The following CDH8 variants were observed in gnomAD, a reference collection of about 807,000 sequenced individuals.
CDH8 encodes cadherin-8.
Under a neutral mutation model 68.1 loss-of-function variants are expected in CDH8, and 17 were observed. The ratio of observed to expected loss-of-function variants is 0.25; its 90% confidence interval spans 0.17 to 0.37. The LOEUF (loss-of-function observed/expected upper bound fraction) is 0.37. CDH8 is among the 10% of genes least tolerant of loss of function. The pLI is 1.00. For synonymous variants in CDH8, 372 were observed against 365.1 expected, an observed-to-expected ratio of 1.02 and a Z score of -0.21; for missense variants, 763 against 999.3, an observed-to-expected ratio of 0.76 and a Z score of 3.19.
chr16:61,974,303 A>T (rs925770950), intron 2 of CDH8, among the ~76,000 whole-genome samples: 1 of 152,198 alleles, frequency 6.6e-6, no homozygotes, highest in African/African-American at 2.4e-5. Context: ...AGGCATCCTG[A>T]ACTATGCTGG....
chr16:61,668,172 G>A (rs1407582346), intron 10 of CDH8, among the ~76,000 whole-genome samples: 1 of 151,796 alleles, frequency 6.6e-6, no homozygotes, highest in Non-Finnish European at 1.5e-5. Context: ...TCAACGTAAC[G>A]GAGCATAGCA....
At chr16:61,894,748 C>T (rs1963840813) in intron 3 of CDH8, among the ~76,000 whole-genome samples, 1 of 152,088 alleles carries the variant, frequency 6.6e-6, no homozygotes, top group African/African-American at 2.4e-5. Context: ...ATAATTTTCA[C>T]ATTAAATTAA....
intron 8 of CDH8, among the ~76,000 whole-genome samples, chr16:61,783,481 G>A (rs1300484916): frequency 5.3e-5 from 8 of 151,892 alleles, no homozygotes; most frequent in Non-Finnish European, 8.8e-5. Context: ...TGAAAGTGAT[G>A]GGGAGAATGG....
intron 9 of CDH8, among the ~76,000 whole-genome samples, chr16:61,715,110 CT>C (rs1329665053): frequency 1.3e-5 from 2 of 151,372 alleles, no homozygotes; most frequent in South Asian, 2.1e-4. Context: ...AAATAAAATA[CT>C]TTTTTTTAAT....
intron 8 of CDH8, among the ~76,000 whole-genome samples, chr16:61,780,733 AAAT>A (rs1961028616): frequency 6.6e-6 from 1 of 152,186 alleles, no homozygotes; most frequent in Non-Finnish European, 1.5e-5. Flanking sequence ...GTGATGGGCT[AAAT>A]AATCAAATCA....
chr16:61,891,682 T>C (rs1394852349), intron 3 of CDH8, among the ~76,000 whole-genome samples: 1 of 152,184 alleles, frequency 6.6e-6, no homozygotes, highest in Non-Finnish European at 1.5e-5. Context: ...TGTAGAGTTT[T>C]GGAACCACAG....
intron 4 of CDH8, among the ~76,000 whole-genome samples, chr16:61,829,408 A>G (rs1328518404): frequency 6.6e-6 from 1 of 151,736 alleles, no homozygotes; most frequent in Admixed American, 6.6e-5. Flanking sequence ...TCCTGACAAG[A>G]TCCCAAAATA....
chr16:61,924,903 T>A (rs1964433146), intron 2 of CDH8, among the ~76,000 whole-genome samples: 1 of 152,176 alleles, frequency 6.6e-6, no homozygotes, highest in Non-Finnish European at 1.5e-5. Flanking sequence ...AGTTGCTAAT[T>A]GTTCCGTACT....
At chr16:61,751,558 T>C (rs1366982082) in intron 8 of CDH8, among the ~76,000 whole-genome samples, 1 of 152,066 alleles carries the variant, frequency 6.6e-6, no homozygotes, top group African/African-American at 2.4e-5. Flanking sequence ...GTCTCAAATG[T>C]GCAGAATGCA....
intron 7 of CDH8, among the ~76,000 whole-genome samples, chr16:61,794,145 A>T (rs111405971): frequency 6.6e-6 from 1 of 152,042 alleles, no homozygotes; most frequent in Admixed American, 6.6e-5. Context: ...TTACAGGCCT[A>T]TGAATAAACT....
chr16:61,860,576 C>T (rs774197759), intron 3 of CDH8, among the ~76,000 whole-genome samples: 2 of 151,896 alleles, frequency 1.3e-5, no homozygotes, highest in Non-Finnish European at 1.5e-5. Context: ...CTAGTGTATT[C>T]ACTTTCATTT....
intron 2 of CDH8, among the ~76,000 whole-genome samples, chr16:61,910,706 G>A (rs1485109038): frequency 6.6e-6 from 1 of 152,026 alleles, no homozygotes; most frequent in Non-Finnish European, 1.5e-5. Flanking sequence ...CAAATAAAAA[G>A]GCATATAGGG....
chr16:61,763,450 TC>T (rs1960515562), intron 8 of CDH8, among the ~76,000 whole-genome samples: 1 of 152,150 alleles, frequency 6.6e-6, no homozygotes, highest in Non-Finnish European at 1.5e-5. Flanking sequence ...ATCCCATTGA[TC>T]CTCTCATGTA....
At position 62,030,768 on chromosome 16, in the gene CDH8, A is replaced by T. The variant is rs546481342; in HGVS notation, c.-200+5312T>A. 2.6e-5 allele frequency among the ~76,000 whole-genome samples: 4 copies of T among 152,258 alleles called. No individual in the cohort carries two copies. In the South Asian group the frequency reaches 6.2e-4, roughly 24 times the overall value. On this transcript the variant is annotated intron_variant, in intron 1 of 11. Coordinates refer to ENST00000577390, the MANE Select transcript of CDH8 (RefSeq NM_001796.5). ...GGATTCCATTTAATATTCCTTTGTA[A>T]TATCTTCAACATGCCTAAAATATCA...
intron 2 of CDH8, among the ~76,000 whole-genome samples, chr16:61,956,356 CCTTAT>C (rs1964990035): frequency 6.6e-6 from 1 of 152,124 alleles, no homozygotes; most frequent in African/African-American, 2.4e-5. Flanking sequence ...ACAAGCCTTA[CCTTAT>C]CTTAAGGTAA....
chr16:61,660,656 G>A (rs933239044), intron 10 of CDH8, among the ~76,000 whole-genome samples: 1 of 151,850 alleles, frequency 6.6e-6, no homozygotes. Context: ...GTGAAAACAC[G>A]GAAAGCCAAA....
At chr16:61,788,447 T>G (rs1296919211) in intron 8 of CDH8, among the ~76,000 whole-genome samples, 1 of 152,116 alleles carries the variant, frequency 6.6e-6, no homozygotes, top group Non-Finnish European at 1.5e-5. Flanking sequence ...TGGAATTTAT[T>G]GTCTCCTTTG....
chr16:61,960,305 A>G (rs1427903059), intron 2 of CDH8, among the ~76,000 whole-genome samples: 3 of 98,504 alleles, frequency 3.0e-5, no homozygotes, highest in Admixed American at 1.9e-4. Context: ...GTGTGTGTGT[A>G]TACACACATA....
chr16:61,960,183 A>G (rs35805221), intron 2 of CDH8, among the ~76,000 whole-genome samples: 1,406 of 48,334 alleles, frequency 0.029, 214 homozygotes, highest in Non-Finnish European at 0.038. Context: ...ATATATACAT[A>G]TGTGTGTGTA....
Sources: gnomAD v4.1 joint callset for allele counts (sites outside exome capture counted in the v4.1 genomes callset) on GRCh38, gnomAD v4.1.1 for gene constraint, MANE v1.5 for transcripts, NCBI Gene and HGNC (gene_info 2026-07-23, HGNC 2026-07-21) for gene names.